Variants in ASTN2 observed in about 807,000 individuals in gnomAD.
ASTN2 encodes astrotactin 2, also known as astrotactin-2.
In ASTN2, 54 loss-of-function variants were observed where a neutral mutation model predicts 139.8. The observed-to-expected ratio is 0.39, with a 90% CI of 0.31 to 0.48. The LOEUF (loss-of-function observed/expected upper bound fraction) is 0.48, where lower values mean the gene tolerates loss of function less well. ASTN2 is among the 20% of genes least tolerant of loss of function. The probability of loss-of-function intolerance (pLI) is 0.95; values close to 1 mark genes in which losing one functional copy is unlikely to be tolerated. For missense variants in ASTN2, 1,565 were observed against 1,725.1 expected, an observed-to-expected ratio of 0.91 and a Z score of 1.64; for synonymous variants, 756 against 719.5, an observed-to-expected ratio of 1.05 and a Z score of -0.81.
intron 16 of ASTN2, among the ~76,000 whole-genome samples, chr9:116,722,119 A>G (rs1442167734): frequency 6.6e-6 from 1 of 152,162 alleles, no homozygotes; most frequent in Non-Finnish European, 1.5e-5. Context: ...CCCTCTTCCC[A>G]GCTGTCTACC....
chr9:117,043,223 T>C (rs191562197), intron 5 of ASTN2, among the ~76,000 whole-genome samples: 3 of 152,146 alleles, frequency 2.0e-5, no homozygotes, highest in East Asian at 3.9e-4. Flanking sequence ...GGGAAAAATA[T>C]GTAATGATAA....
At chr9:117,218,940 T>C (rs1171711103) in intron 2 of ASTN2, among the ~76,000 whole-genome samples, 3 of 152,232 alleles carry the variant, frequency 2.0e-5, no homozygotes, top group Non-Finnish European at 4.4e-5. Context: ...GGACACGGGA[T>C]ACTTTGCTTA....
chr9:116,935,525 T>C (rs568151463), intron 10 of ASTN2, among the ~76,000 whole-genome samples: 7 of 151,860 alleles, frequency 4.6e-5, no homozygotes, highest in Non-Finnish European at 1.0e-4. Flanking sequence ...AAGTCACAAA[T>C]GGACTTTGGC....
chr9:116,714,024 G>A (rs555843283), intron 16 of ASTN2, among the ~76,000 whole-genome samples: 87 of 152,294 alleles, frequency 5.7e-4, no homozygotes, highest in African/African-American at 2.0e-3. Flanking sequence ...AAGACAATAT[G>A]AGATCATGTG....
chr9:116,701,007 T>C (rs1455648306), intron 16 of ASTN2: 1 of 167,128 alleles, frequency 6.0e-6, no homozygotes, highest in Non-Finnish European at 1.5e-5. Flanking sequence ...CTGTATGTTT[T>C]ATGTTTATAA....
chr9:116,757,726 G>A (rs1159290497), intron 13 of ASTN2, among the ~76,000 whole-genome samples: 1 of 152,064 alleles, frequency 6.6e-6, no homozygotes, highest in Non-Finnish European at 1.5e-5. Flanking sequence ...CAGAACATAT[G>A]ACTGTCTCCC....
chr9:116,507,698 T>A (rs1481738186), intron 19 of ASTN2, among the ~76,000 whole-genome samples: 1 of 152,120 alleles, frequency 6.6e-6, no homozygotes, highest in Non-Finnish European at 1.5e-5. Context: ...CCTTCCCACA[T>A]TGGTACTGTC....
At chr9:117,178,042 A>G (rs1482058019) in intron 3 of ASTN2, among the ~76,000 whole-genome samples, 1 of 151,946 alleles carries the variant, frequency 6.6e-6, no homozygotes, top group East Asian at 1.9e-4. Context: ...TACCCACTCC[A>G]TCCTATTGTC....
intron 1 of ASTN2, among the ~76,000 whole-genome samples, chr9:117,341,920 T>C (rs548091643): frequency 2.0e-5 from 3 of 152,180 alleles, no homozygotes; most frequent in African/African-American, 7.2e-5. Context: ...TTGTTTTCAA[T>C]TGCTTGAGTG....
intron 2 of ASTN2, among the ~76,000 whole-genome samples, chr9:117,218,724 C>T (rs1027538024): frequency 1.3e-5 from 2 of 152,126 alleles, no homozygotes; most frequent in African/African-American, 2.4e-5. Context: ...ATCAGTAAAT[C>T]GGAGTTGGCC....
At chr9:116,890,510 C>T (rs945891521) in intron 10 of ASTN2, among the ~76,000 whole-genome samples, 4 of 152,142 alleles carry the variant, frequency 2.6e-5, no homozygotes, top group African/African-American at 7.2e-5. Flanking sequence ...TCATTCTTTG[C>T]CCCCTAACCA....
At chr9:116,737,245 C>A (rs181016873) in intron 13 of ASTN2, among the ~76,000 whole-genome samples, 7 of 152,164 alleles carry the variant, frequency 4.6e-5, no homozygotes, top group Non-Finnish European at 8.8e-5. Context: ...AGAGGGCGCC[C>A]GGGGCCTTTG....
rs376945987 is a variant in ASTN2 at position 117,240,919 on chromosome 9, A to C, written c.631-26177T>G. On this transcript the variant is annotated intron_variant, in intron 2 of 22. Coordinates refer to ENST00000313400, the MANE Select transcript of ASTN2 (RefSeq NM_001365068.1). ...TTTCTGCATATTTTGAAATTTTAGC[A>C]TAAGGCTCACACTCTCTCAATGACT... 5.9e-4 allele frequency among the ~76,000 whole-genome samples: 90 copies of C among 152,250 alleles called. No homozygotes were observed. The South Asian group carries it at 0.016, about 27-fold the overall frequency.
chr9:116,756,420 A>G (rs7848192), intron 13 of ASTN2, among the ~76,000 whole-genome samples: 67,586 of 151,552 alleles, frequency 0.45, 16,074 homozygotes, highest in South Asian at 0.56. Context: ...TATAAGTAAC[A>G]CAAAGAACAC....
chr9:117,133,754 G>C (rs1031210711), intron 4 of ASTN2, among the ~76,000 whole-genome samples: 1 of 152,110 alleles, frequency 6.6e-6, no homozygotes, highest in African/African-American at 2.4e-5. Flanking sequence ...CTTTCATTTG[G>C]GAAAAATTTG....
At chr9:117,137,490 G>A (rs1179775764) in intron 4 of ASTN2, among the ~76,000 whole-genome samples, 2 of 152,168 alleles carry the variant, frequency 1.3e-5, no homozygotes, top group Non-Finnish European at 2.9e-5. Flanking sequence ...GGCTAATGGA[G>A]CATTTCCAAA....
chr9:116,950,205 C>A (rs185400846), intron 10 of ASTN2, among the ~76,000 whole-genome samples: 1 of 152,142 alleles, frequency 6.6e-6, no homozygotes, highest in Non-Finnish European at 1.5e-5. Flanking sequence ...GCATCCATAG[C>A]CTCTACCAAC....
chr9:117,016,053 G>A (rs903474024), intron 6 of ASTN2, among the ~76,000 whole-genome samples: 84 of 151,974 alleles, frequency 5.5e-4, no homozygotes, highest in African/African-American at 2.0e-3. Flanking sequence ...TATATACTAT[G>A]CTTTCACTGT....
intron 19 of ASTN2, among the ~76,000 whole-genome samples, chr9:116,571,123 G>T (rs988579172): frequency 6.6e-6 from 1 of 152,186 alleles, no homozygotes; most frequent in African/African-American, 2.4e-5. Flanking sequence ...CAAGGACTCA[G>T]ATATGATTCG....
Sources: gnomAD v4.1 joint callset for allele counts (sites outside exome capture counted in the v4.1 genomes callset) on GRCh38, gnomAD v4.1.1 for gene constraint, MANE v1.5 for transcripts, NCBI Gene and HGNC (gene_info 2026-07-23, HGNC 2026-07-21) for gene names.